The following FAM135B variants were observed in gnomAD, a reference collection of about 807,000 sequenced individuals.
FAM135B encodes the protein family with sequence similarity 135 member B.
FAM135B carries 43 observed loss-of-function variants against 127.7 expected under a neutral mutation model. The ratio of observed to expected loss-of-function variants is 0.34; its 90% CI spans 0.26 to 0.43. The LOEUF (loss-of-function observed/expected upper bound fraction) is 0.43, where lower values mean the gene tolerates loss of function less well. FAM135B is among the 20% of genes least tolerant of loss of function. The probability of loss-of-function intolerance (pLI) is 1.00; values close to 1 mark genes in which losing one functional copy is unlikely to be tolerated. For synonymous variants in FAM135B, 670 were observed against 665.1 expected (o/e 1.01, Z -0.11); for missense variants, 1,558 against 1,725.6 (o/e 0.90, Z 1.72).
At chr8:138,368,089 C>A in intron 1 of FAM135B, 87 bp from the exon 2 acceptor site, 1 of 802,816 alleles carries the variant, frequency 1.2e-6, no homozygotes, top group Non-Finnish European at 2.1e-6. Context: ...ACCAATCTGA[C>A]CAACAGGACC....
At chr8:138,176,413 C>T (rs1429214863) in intron 11 of FAM135B, among the ~76,000 whole-genome samples, 1 of 152,198 alleles carries the variant, frequency 6.6e-6, no homozygotes, top group Non-Finnish European at 1.5e-5. Flanking sequence ...AAAATATATT[C>T]TCCCAGCTCT....
chr8:138,286,290 G>A (rs553003150), intron 3 of FAM135B, among the ~76,000 whole-genome samples: 1 of 152,346 alleles, frequency 6.6e-6, no homozygotes, highest in South Asian at 2.1e-4. Context: ...AGGAGTGGGT[G>A]AAAACCATGG....
At chr8:138,138,310 A>C (rs531477550) in intron 18 of FAM135B, among the ~76,000 whole-genome samples, 2 of 152,354 alleles carry the variant, frequency 1.3e-5, no homozygotes, top group Admixed American at 6.5e-5. Flanking sequence ...ATTCACAGGC[A>C]CAGAGGGATC....
At chr8:138,433,576 T>G (rs1835311942) in intron 1 of FAM135B, among the ~76,000 whole-genome samples, 1 of 148,834 alleles carries the variant, frequency 6.7e-6, no homozygotes, top group Admixed American at 6.7e-5. Flanking sequence ...TAAAATAATT[T>G]TAAAAGAGTA....
At chr8:138,392,731 G>C (rs180968657) in intron 1 of FAM135B, among the ~76,000 whole-genome samples, 1 of 152,162 alleles carries the variant, frequency 6.6e-6, no homozygotes, top group Admixed American at 6.5e-5. Context: ...ACTGTGCCGG[G>C]GGCATGGAAT....
intron 9 of FAM135B, among the ~76,000 whole-genome samples, chr8:138,189,956 T>C (rs960216085): frequency 1.3e-5 from 2 of 152,170 alleles, no homozygotes; most frequent in Admixed American, 1.3e-4. Flanking sequence ...AAATACCTTG[T>C]TCTGCATATA....
At chr8:138,446,026 C>A (rs1836135991) in intron 1 of FAM135B, among the ~76,000 whole-genome samples, 1 of 152,128 alleles carries the variant, frequency 6.6e-6, no homozygotes, top group East Asian at 1.9e-4. Context: ...AAACAGAGAG[C>A]CAAATCATGA....
chr8:138,442,100 C>T (rs1835809150), intron 1 of FAM135B, among the ~76,000 whole-genome samples: 1 of 151,030 alleles, frequency 6.6e-6, no homozygotes, highest in Admixed American at 6.6e-5. Context: ...TTTAATATTA[C>T]AAATGTTGGA....
At chr8:138,406,344 G>T (rs187567854) in intron 1 of FAM135B, among the ~76,000 whole-genome samples, 2,838 of 152,226 alleles carry the variant, frequency 0.019, 80 homozygotes, top group East Asian at 0.08. Context: ...GGAGGAACTG[G>T]TACCATTCCT....
chr8:138,354,616 T>C (rs947693762), intron 2 of FAM135B, among the ~76,000 whole-genome samples: 1 of 152,174 alleles, frequency 6.6e-6, no homozygotes, highest in Non-Finnish European at 1.5e-5. Context: ...CAGGAGCAAC[T>C]TGAGTTCACA....
At chr8:138,475,382 A>G (rs1814361794) in intron 1 of FAM135B, among the ~76,000 whole-genome samples, 1 of 152,160 alleles carries the variant, frequency 6.6e-6, no homozygotes, top group Non-Finnish European at 1.5e-5. Flanking sequence ...CTGAATTTCT[A>G]CTTCCAACCC....
At chr8:138,341,778 A>G (rs945635366) in intron 2 of FAM135B, among the ~76,000 whole-genome samples, 2 of 152,022 alleles carry the variant, frequency 1.3e-5, no homozygotes, top group Admixed American at 6.6e-5. Context: ...TCTTTCCCAA[A>G]AGCATAAAGA....
At chr8:138,288,888 T>A (rs970789247) in intron 3 of FAM135B, among the ~76,000 whole-genome samples, 1 of 152,206 alleles carries the variant, frequency 6.6e-6, no homozygotes, top group African/African-American at 2.4e-5. Context: ...TTTGGAGCAG[T>A]GCCTGGAAAT....
intron 7 of FAM135B, among the ~76,000 whole-genome samples, chr8:138,237,655 G>A (rs1820406198): frequency 6.6e-6 from 1 of 152,198 alleles, no homozygotes; most frequent in Non-Finnish European, 1.5e-5. Context: ...ATAACCCTCA[G>A]TCGTATGGGT....
chr8:138,134,760 T>C (rs1440049409), intron 19 of FAM135B, among the ~76,000 whole-genome samples: 1 of 152,188 alleles, frequency 6.6e-6, no homozygotes, highest in Non-Finnish European at 1.5e-5. Flanking sequence ...ATTCACCAAT[T>C]AAGCCACACT....
chr8:138,432,491 T>C (rs1213572751), intron 1 of FAM135B, among the ~76,000 whole-genome samples: 2 of 151,962 alleles, frequency 1.3e-5, no homozygotes, highest in Non-Finnish European at 2.9e-5. Context: ...TTTGACCATG[T>C]CCTGCAAACC....
chr8:138,198,910 C>T (rs1320159111), intron 7 of FAM135B, among the ~76,000 whole-genome samples: 1 of 152,188 alleles, frequency 6.6e-6, no homozygotes, highest in Non-Finnish European at 1.5e-5. Flanking sequence ...TATGCTCGTG[C>T]CCATCTACTG....
intron 9 of FAM135B, among the ~76,000 whole-genome samples, chr8:138,179,890 A>G (rs1814849285): frequency 6.6e-6 from 1 of 152,116 alleles, no homozygotes; most frequent in African/African-American, 2.4e-5. Context: ...TGTGTTGCCC[A>G]GGCTGGTCTC....
At chr8:138,422,735 C>T (rs573382422) in intron 1 of FAM135B, among the ~76,000 whole-genome samples, 187 of 152,236 alleles carry the variant, frequency 1.2e-3, no homozygotes, top group African/African-American at 4.3e-3. Flanking sequence ...AAAAAGCTAT[C>T]ATTCAACCCA....
Sources: allele counts gnomAD v4.1 joint callset (sites outside exome capture counted in the v4.1 genomes callset), GRCh38; gene constraint gnomAD v4.1.1; transcripts MANE v1.5; gene names NCBI Gene and HGNC (gene_info 2026-07-23, HGNC 2026-07-21).